The following PRR33 variants were observed in gnomAD, a reference collection of about 807,000 sequenced individuals.
The protein encoded by PRR33 is proline rich 33.
In PRR33, 1 loss-of-function variant was observed where a neutral mutation model predicts 0.5. The ratio of observed to expected loss-of-function variants is 2.18; its 90% CI spans 0.77 to 10.34. The LOEUF (loss-of-function observed/expected upper bound fraction) is 10.34. Among genes scored for constraint, PRR33 ranks in the 30% most tolerant of loss-of-function variants. PRR33 has a pLI of 0.13. For missense variants in PRR33, 552 were observed against 251.8 expected (o/e 2.19, Z -8.07); for synonymous variants, 226 against 110.0 (o/e 2.06, Z -6.60).
the PRR33 span, among the ~76,000 whole-genome samples, chr11:1,913,521 G>C: frequency 1.3e-5 from 2 of 152,094 alleles, no homozygotes; most frequent in African/African-American, 4.8e-5. Flanking sequence ...GCTTTGCTCT[G>C]GGGTCTCCCA....
the PRR33 span, chr11:1,907,897 C>T: frequency 2.6e-5 from 4 of 152,196 alleles, no homozygotes; most frequent in Admixed American, 2.6e-4. Context: ...ACCGTGCCAC[C>T]CCCAGGTTCC....
At chr11:1,909,241 G>A in the PRR33 span, among the ~76,000 whole-genome samples, 1 of 152,120 alleles carries the variant, frequency 6.6e-6, no homozygotes, top group East Asian at 1.9e-4. Flanking sequence ...GCTCACACCT[G>A]TAATCCCAGC....
the PRR33 span, among the ~76,000 whole-genome samples, chr11:1,912,904 G>A: frequency 6.6e-6 from 1 of 152,118 alleles, no homozygotes; most frequent in Non-Finnish European, 1.5e-5. Context: ...CACTGCGCCC[G>A]GCCAACACAG....
chr11:1,888,162 GTCC>G (rs913649328), exon 1 of PRR33, among the ~76,000 whole-genome samples: 22 of 152,154 alleles, frequency 1.4e-4, no homozygotes, highest in Admixed American at 1.4e-3. Flanking sequence ...TGGGGCAGCT[GTCC>G]TCCTACCATC....
At chr11:1,914,338 T>A in the PRR33 span, among the ~76,000 whole-genome samples, 7 of 149,164 alleles carry the variant, frequency 4.7e-5, no homozygotes, top group Non-Finnish European at 8.9e-5. Flanking sequence ...TGTCTGTATG[T>A]GTTGTAGGGT....
the PRR33 span, among the ~76,000 whole-genome samples, chr11:1,905,433 C>CTTTT: frequency 8.2e-5 from 8 of 97,890 alleles, no homozygotes; most frequent in Admixed American, 2.4e-4. Flanking sequence ...GGCCTTCTCT[C>CTTTT]TTTTTTTTTT....
upstream of PRR33, among the ~76,000 whole-genome samples, chr11:1,892,981 GAGTA>G (rs1231360912): frequency 4.1e-5 from 6 of 146,976 alleles, no homozygotes; most frequent in East Asian, 1.1e-3. Flanking sequence ...ATGAGTGAAT[GAGTA>G]AGTGGGTGGG....
chr11:1,889,769 C>T (rs553506585), exon 1 of PRR33: 24 of 649,852 alleles, frequency 3.7e-5, no homozygotes, highest in East Asian at 8.2e-5. Context: ...AGCGGCAGGT[C>T]GGGGCTATGG....
the PRR33 span, among the ~76,000 whole-genome samples, chr11:1,897,387 G>A: frequency 6.6e-6 from 1 of 152,184 alleles, no homozygotes; most frequent in African/African-American, 2.4e-5. This position sits in a 1 kb window ranked among gnomAD's most constrained non-coding sequence, Gnocchi z 4.0. Context: ...GAGGACCTCG[G>A]GTTATATATT....
upstream of PRR33, among the ~76,000 whole-genome samples, chr11:1,894,057 AGTGTGTGT>A (rs61527876): frequency 1.9e-5 from 1 of 53,198 alleles, no homozygotes; most frequent in African/African-American, 6.3e-5. Context: ...GGAGTGTGGG[AGTGTGTGT>A]GTGTGTGTGT....
the PRR33 span, among the ~76,000 whole-genome samples, chr11:1,904,340 G>A: frequency 6.6e-6 from 1 of 152,026 alleles, no homozygotes; most frequent in Non-Finnish European, 1.5e-5. Flanking sequence ...ACCAGCCTGG[G>A]CAACACGGTG....
At chr11:1,888,252 T>A (rs538899042) in exon 1 of PRR33, among the ~76,000 whole-genome samples, 1 of 152,192 alleles carries the variant, frequency 6.6e-6, no homozygotes, top group South Asian at 2.1e-4. Flanking sequence ...TCTCCTGTGG[T>A]TGGCCACCCC....
At chr11:1,897,311 A>C in the PRR33 span, among the ~76,000 whole-genome samples, 1 of 152,212 alleles carries the variant, frequency 6.6e-6, no homozygotes. This position sits in a 1 kb window ranked among gnomAD's most constrained non-coding sequence, Gnocchi z 4.0. Flanking sequence ...CGCCATTGTA[A>C]ATGTACTTGT....
chr11:1,915,200 G>C, the PRR33 span, among the ~76,000 whole-genome samples: 5 of 144,976 alleles, frequency 3.4e-5, no homozygotes, highest in Admixed American at 6.9e-5. Flanking sequence ...ATGTTTCTCT[G>C]TGTGTGTGTG....
chr11:1,910,065 G>C, the PRR33 span, among the ~76,000 whole-genome samples: 1 of 152,230 alleles, frequency 6.6e-6, no homozygotes, highest in Admixed American at 6.5e-5. Context: ...ACAGCCGCAG[G>C]TCAGCTGTAA....
chr11:1,911,406 C>T, the PRR33 span, among the ~76,000 whole-genome samples: 1 of 152,072 alleles, frequency 6.6e-6, no homozygotes, highest in South Asian at 2.1e-4. Context: ...TGTGCCACTG[C>T]ACCCCAGCCT....
the PRR33 span, among the ~76,000 whole-genome samples, chr11:1,897,171 G>A: frequency 1.3e-5 from 2 of 152,232 alleles, no homozygotes; most frequent in African/African-American, 4.8e-5. This position sits in a 1 kb window ranked among gnomAD's most constrained non-coding sequence, Gnocchi z 4.0. Flanking sequence ...GAAGGCTTCA[G>A]TCTGTTTACG....
At chr11:1,913,797 C>G in the PRR33 span, among the ~76,000 whole-genome samples, 2 of 152,362 alleles carry the variant, frequency 1.3e-5, no homozygotes, top group South Asian at 4.1e-4. Flanking sequence ...TCGTTTCGTT[C>G]CAGTCCTAGA....
chr11:1,899,285 G>T, the PRR33 span, among the ~76,000 whole-genome samples: 1 of 152,134 alleles, frequency 6.6e-6, no homozygotes, highest in Non-Finnish European at 1.5e-5. Flanking sequence ...GGAGTCTGGC[G>T]ATGCCCTCTT....
Sources: allele counts gnomAD v4.1 joint callset (sites outside exome capture counted in the v4.1 genomes callset), GRCh38; gene constraint gnomAD v4.1.1; non-coding constraint Gnocchi (gnomAD v3.1); transcripts MANE v1.5; gene names NCBI Gene and HGNC (gene_info 2026-07-23, HGNC 2026-07-21).